The following TMEM39A variants were observed in gnomAD, a reference collection of about 807,000 sequenced individuals.
TMEM39A encodes the protein suppressor of SQST-1 aggregates in rpl-43 mutants.
In TMEM39A, 19 loss-of-function variants were observed where a neutral mutation model predicts 51.9. The ratio of observed to expected loss-of-function variants is 0.37; its 90% CI spans 0.26 to 0.54. The LOEUF is 0.54. TMEM39A is among the 20% of genes least tolerant of loss of function. The pLI, the probability that TMEM39A is intolerant of heterozygous loss-of-function variation, is 0.88. For synonymous variants in TMEM39A, 197 were observed against 220.2 expected (o/e 0.89, Z 0.93); for missense variants, 433 against 590.5 (o/e 0.73, Z 2.76).
At chr3:119,453,282 T>C (rs1250447542) in intron 3 of TMEM39A, among the ~76,000 whole-genome samples, 6 of 152,214 alleles carry the variant, frequency 3.9e-5, no homozygotes, top group Non-Finnish European at 8.8e-5. Flanking sequence ...AATAAATCTA[T>C]ACATAGCATC....
chr3:119,442,379 A>T (rs1488648237), intron 5 of TMEM39A, among the ~76,000 whole-genome samples: 4 of 151,898 alleles, frequency 2.6e-5, no homozygotes, highest in African/African-American at 9.7e-5. Flanking sequence ...GCTCATTGAC[A>T]GTGTACCTAG....
chr3:119,455,847 A>G (rs2081256763), intron 3 of TMEM39A, among the ~76,000 whole-genome samples: 1 of 152,238 alleles, frequency 6.6e-6, no homozygotes, highest in Non-Finnish European at 1.5e-5. Context: ...TTTTATAATG[A>G]ACTACCCAAG....
At chr3:119,433,146 A>G (rs1358779314) in intron 8 of TMEM39A, among the ~76,000 whole-genome samples, 2 of 152,164 alleles carry the variant, frequency 1.3e-5, no homozygotes, top group African/African-American at 4.8e-5. Context: ...TGGAATTTAG[A>G]TCTTAAGAGC....
intron 1 of TMEM39A, 109 bp from the exon 2 acceptor site, chr3:119,462,257 G>C: frequency 1.8e-6 from 1 of 558,218 alleles, no homozygotes; most frequent in South Asian, 2.1e-5. Context: ...ATTTTCAAAC[G>C]AATGTTCCCA....
At position 119,436,885 on chromosome 3, in the gene TMEM39A, A is replaced by G. The variant is rs200830652; in HGVS notation, c.1018T>C (p.Ser340Pro). 6.8e-6 allele frequency: 11 copies of G among 1,614,036 alleles called. No homozygotes were observed. In the African/African-American group the frequency reaches 1.5e-4, roughly 22 times the overall value. The change falls in exon 7 of 9, where the codon TCC (serine) becomes CCC (proline). Residue 340 changes from serine to proline, a missense_variant. This residue lies in a region of TMEM39A where 223 missense variants were observed against 328.1 expected (regional missense o/e 0.68). Coordinates refer to ENST00000319172, the MANE Select transcript of TMEM39A (RefSeq NM_018266.3). Reference sequence around the variant, plus strand: ...TTATGTAGCAAATCACAGTATTTGGATGGCAACAGTTGCGTGGTGAGCATG... The same window carrying G: ...TTATGTAGCAAATCACAGTATTTGGGTGGCAACAGTTGCGTGGTGAGCATG... ...FVMLTTQLLP[S>P]KYCDLLHKSA...
intron 5 of TMEM39A, among the ~76,000 whole-genome samples, chr3:119,438,445 T>G (rs923892918): frequency 6.6e-6 from 1 of 152,252 alleles, no homozygotes; most frequent in South Asian, 2.1e-4. Flanking sequence ...TATGCTTTTT[T>G]CCTTTTGTGT....
At chr3:119,456,518 T>C (rs1398034631) in intron 3 of TMEM39A, among the ~76,000 whole-genome samples, 3 of 152,260 alleles carry the variant, frequency 2.0e-5, no homozygotes, top group Non-Finnish European at 2.9e-5. Flanking sequence ...TTCACCATGA[T>C]AGGGAGGCTT....
At chr3:119,434,303 A>G (rs1485311590) in intron 8 of TMEM39A, among the ~76,000 whole-genome samples, 2 of 152,144 alleles carry the variant, frequency 1.3e-5, no homozygotes, top group Non-Finnish European at 2.9e-5. Context: ...TGACTTCCAA[A>G]GGGGAAGCTA....
At chr3:119,450,234 CTGTTA>C (rs1277460879) in intron 4 of TMEM39A, among the ~76,000 whole-genome samples, 1 of 152,188 alleles carries the variant, frequency 6.6e-6, no homozygotes, top group African/African-American at 2.4e-5. Context: ...ACTGTGCAAC[CTGTTA>C]TTAGTTTGTA....
intron 7 of TMEM39A, 76 bp from the exon 8 acceptor site, chr3:119,434,958 T>A: frequency 6.5e-7 from 1 of 1,541,718 alleles, no homozygotes; most frequent in Non-Finnish European, 8.8e-7. Context: ...CCAGCTGTAT[T>A]TTTATGGAAG....
chr3:119,446,955 G>T, intron 5 of TMEM39A, 63 bp downstream of exon 5: 1 of 1,527,552 alleles, frequency 6.5e-7, no homozygotes. Flanking sequence ...TAAAAGTATC[G>T]TTTACGTGAC....
intron 7 of TMEM39A, chr3:119,436,063 A>G (rs2080964080): frequency 7.0e-6 from 4 of 573,876 alleles, no homozygotes; most frequent in African/African-American, 2.0e-5. Context: ...AAATGTTCAA[A>G]TTACAAAAGG....
intron 3 of TMEM39A, among the ~76,000 whole-genome samples, chr3:119,452,826 A>G (rs1255635324): frequency 6.6e-6 from 1 of 152,238 alleles, no homozygotes; most frequent in African/African-American, 2.4e-5. Flanking sequence ...AACAAGTTAT[A>G]ACCTGCAGAA....
intron 3 of TMEM39A, among the ~76,000 whole-genome samples, chr3:119,454,806 T>C (rs2081244106): frequency 6.6e-6 from 1 of 152,068 alleles, no homozygotes; most frequent in Non-Finnish European, 1.5e-5. Flanking sequence ...AATCAAAATA[T>C]TTAAGTGCCT....
In TMEM39A at chr3:119,449,625, C is replaced by G. The variant is rs150948049; in HGVS notation, c.421-2453G>C. ...CGACAAGAGCAAAACTCTGTCTGCC[C>G]CCCACCCCCCAAAAAAAGTGGTCTT... On this transcript the variant is annotated intron_variant, in intron 4 of 8. Transcript: ENST00000319172. Among the ~76,000 whole-genome samples the G allele has an allele frequency of 7.8e-3, 1,179 of 152,034 alleles. 7 individuals carry two copies. Among genetic ancestry groups the G allele is most frequent in the Middle Eastern group, 0.021 (6 of 292 alleles).
chr3:119,447,019 G>T lies in TMEM39A; in HGVS notation c.574C>A (p.Pro192Thr), dbSNP rs1388168960. 6.2e-7 allele frequency: 1 copy of T among 1,613,454 alleles called. No homozygotes were observed. The highest frequency in any genetic ancestry group is 8.5e-7 in the Non-Finnish European group (1 of 1,179,800). Residue 192 changes from proline to threonine, a missense_variant and splice_region_variant, in exon 5 of 9, where the codon CCG becomes ACG. By Grantham distance (38) the Pro-to-Thr change is conservative. Transcript: ENST00000319172. ...ACATGGTAAAACTGGAGTACTCACG[G>T]GTAGCCAAGGAAAAGGAGATTGAGG... ...SVLNLLFLGY[P>T]FGVYVPLCCF...
At chr3:119,448,644 C>T (rs1474952020) in intron 4 of TMEM39A, among the ~76,000 whole-genome samples, 1 of 152,230 alleles carries the variant, frequency 6.6e-6, no homozygotes, top group Non-Finnish European at 1.5e-5. Context: ...CAGTCATAGC[C>T]TGGCACATAG....
rs1333110269 is a variant in TMEM39A, at chr3:119,430,300, C to T, written c.*1681G>A. On this transcript the variant is annotated 3_prime_UTR_variant, in exon 9 of 9. Transcript: ENST00000319172. Reference sequence around the variant, plus strand: ...ATGATTCAGTCTTGCTTTTTCTTTGCTTAAAAATCATCTCCTCAAAGATGC... The same window carrying T: ...ATGATTCAGTCTTGCTTTTTCTTTGTTTAAAAATCATCTCCTCAAAGATGC... The T allele has an allele frequency of 6.6e-6, 1 of 152,104 alleles. No individual in the cohort carries two copies. Among genetic ancestry groups the T allele is most frequent in the African/African-American group, 2.4e-5 (1 of 41,434 alleles). 9.4% of individuals were successfully genotyped at this position (152,104 alleles called of 1,614,324 possible).
rs1344277417 is a variant in TMEM39A, at chr3:119,447,093, C to A, written c.500G>T (p.Gly167Val). The A allele has an allele frequency of 6.2e-7, 1 of 1,614,146 alleles. No individual in the cohort carries two copies. Among genetic ancestry groups the A allele is most frequent in the Non-Finnish European group, 8.5e-7 (1 of 1,180,014 alleles). The change falls in exon 5 of 9, where the codon GGA (glycine) becomes GTA (valine). Residue 167 changes from glycine (G) to valine (V), a missense_variant. By Grantham distance (109) the Gly-to-Val change is moderately radical (BLOSUM62 -3). Transcript: ENST00000319172. Reference sequence around the variant, plus strand: ...GACGAGGGTCCAACAAAGTACCCATCCACACAAAGTGAGTAGTACCAAGCG... The same window carrying A: ...GACGAGGGTCCAACAAAGTACCCATACACACAAAGTGAGTAGTACCAAGCG... ...SARLVLLTLC[G>V]WVLCWTLVNL... is the part of the protein sequence containing the mutation.
Sources: allele counts gnomAD v4.1 joint callset (sites outside exome capture counted in the v4.1 genomes callset), GRCh38; gene constraint gnomAD v4.1.1; regional missense constraint gnomAD v4.1.1; transcripts MANE v1.5; gene names NCBI Gene and HGNC (gene_info 2026-07-23, HGNC 2026-07-21).